The following DHRS7B variants were observed in gnomAD, a reference collection of about 807,000 sequenced individuals.
DHRS7B encodes dehydrogenase/reductase 7B, also known as peroxisomal reductase activating PPAR-gamma.
In DHRS7B, 24 loss-of-function variants were observed where a neutral mutation model predicts 26.4. The observed-to-expected ratio is 0.91, with a 90% confidence interval of 0.66 to 1.28. DHRS7B has a LOEUF of 1.28. DHRS7B is among the 50% of genes most tolerant of loss of function. The pLI is 0.00. For missense variants in DHRS7B, 368 were observed against 419.4 expected (o/e 0.88, Z 1.07); for synonymous variants, 142 against 166.4 (o/e 0.85, Z 1.13).
intron 3 of DHRS7B, among the ~76,000 whole-genome samples, chr17:21,178,685 G>C (rs186133643): frequency 2.9e-3 from 431 of 148,128 alleles, no homozygotes; most frequent in African/African-American, 0.01. Context: ...GGGACACGGA[G>C]TCTCGCTCTG....
intron 1 of DHRS7B, among the ~76,000 whole-genome samples, chr17:21,155,253 C>T (rs1486390664): frequency 1.3e-5 from 2 of 152,058 alleles, no homozygotes; most frequent in Non-Finnish European, 2.9e-5. Flanking sequence ...CAGAAACCAA[C>T]TTTAAGTATA....
intron 1 of DHRS7B, among the ~76,000 whole-genome samples, chr17:21,158,814 G>A (rs183584797): frequency 3.0e-4 from 45 of 152,222 alleles, no homozygotes; most frequent in African/African-American, 1.0e-3. Context: ...ACATTAATCA[G>A]GACAGTGATA....
At chr17:21,173,769 A>G (rs1469082898) in intron 2 of DHRS7B, among the ~76,000 whole-genome samples, 1 of 152,120 alleles carries the variant, frequency 6.6e-6, no homozygotes, top group Non-Finnish European at 1.5e-5. Context: ...CTCAGTTACT[A>G]TATATAGGGT....
chr17:21,184,455 G>A lies in DHRS7B; in HGVS notation c.611G>A (p.Arg204Gln), dbSNP rs766967306. The change falls in exon 5 of 7, where the codon CGA becomes CAA. Residue 204 changes from arginine (R) to glutamine (Q), a missense_variant. Coordinates refer to ENST00000395511, the MANE Select transcript of DHRS7B (RefSeq NM_015510.5). ...SIQGKMSIPF[R>Q]SAYAASKHAT... ...CAGGGCAAGATGAGCATTCCTTTTC[G>A]ATCAGCATGTGAGTACTTCTCTCTC... The A allele has an allele frequency of 5.5e-5, 88 of 1,613,898 alleles. No homozygotes were observed. Among genetic ancestry groups the A allele is most frequent in the Non-Finnish European group, 7.5e-5 (88 of 1,179,986 alleles).
chr17:21,133,230 G>C (rs1275662720), intron 1 of DHRS7B, among the ~76,000 whole-genome samples: 3 of 152,252 alleles, frequency 2.0e-5, no homozygotes, highest in African/African-American at 4.8e-5. Context: ...AGTTAATTCA[G>C]AGAGTTTATT....
At chr17:21,189,685 A>G (rs994303548) in intron 6 of DHRS7B, among the ~76,000 whole-genome samples, 4 of 152,244 alleles carry the variant, frequency 2.6e-5, no homozygotes, top group Admixed American at 6.5e-5. Context: ...TCCCCACAGT[A>G]GACTCTATAC....
At chr17:21,142,100 G>A (rs1353906266) in intron 1 of DHRS7B, among the ~76,000 whole-genome samples, 2 of 152,094 alleles carry the variant, frequency 1.3e-5, no homozygotes, top group African/African-American at 4.8e-5. Context: ...TGGGAGCATC[G>A]GCAGGCTAGT....
chr17:21,189,522 C>T (rs560973411), intron 6 of DHRS7B, among the ~76,000 whole-genome samples: 1 of 152,230 alleles, frequency 6.6e-6, no homozygotes. Context: ...CCAGTGCTGT[C>T]CTGCCATGTC....
intron 1 of DHRS7B, among the ~76,000 whole-genome samples, chr17:21,130,790 C>T (rs749115652): frequency 2.6e-5 from 4 of 152,022 alleles, no homozygotes; most frequent in Non-Finnish European, 5.9e-5. Context: ...TTATTCATTC[C>T]CACCCCATTA....
chr17:21,184,463 T>C lies in DHRS7B; in HGVS notation c.619T>C (p.Tyr207His), dbSNP rs766045185. Residue 207 changes from tyrosine to histidine, a missense_variant and splice_region_variant, in exon 5 of 7, where the codon TAT becomes CAT. By Grantham distance (83) the Tyr-to-His change is moderately conservative. Transcript: ENST00000395511. ...GKMSIPFRSA[Y>H]AASKHATQAF... ...GATGAGCATTCCTTTTCGATCAGCA[T>C]GTGAGTACTTCTCTCTCCCACAAAA... The C allele has an allele frequency of 6.2e-7, 1 of 1,613,064 alleles. No homozygotes were observed. Among genetic ancestry groups the C allele is most frequent in the Non-Finnish European group, 8.5e-7 (1 of 1,179,586 alleles).
intron 1 of DHRS7B, among the ~76,000 whole-genome samples, chr17:21,168,434 T>C (rs113692660): frequency 6.6e-6 from 1 of 152,070 alleles, no homozygotes; most frequent in Non-Finnish European, 1.5e-5. Context: ...AGTGGTGCAA[T>C]CTTGGCTCAC....
intron 5 of DHRS7B, 107 bp downstream of exon 5, chr17:21,184,570 C>T (rs1974588884): frequency 1.7e-6 from 2 of 1,152,026 alleles, no homozygotes; most frequent in Non-Finnish European, 2.5e-6. Context: ...AATAAACTAT[C>T]CAGAATGCAA....
At chr17:21,146,531 C>T (rs1973647746) in intron 1 of DHRS7B, among the ~76,000 whole-genome samples, 1 of 152,184 alleles carries the variant, frequency 6.6e-6, no homozygotes, top group Admixed American at 6.5e-5. Context: ...GTAACTTGTT[C>T]AAAGGCACTC....
chr17:21,188,802 C>G lies in DHRS7B; in HGVS notation c.711C>G (p.Pro237=). 1 of 1,614,168 alleles carries G rather than the reference C, an allele frequency of 6.2e-7. No homozygotes were observed. Among genetic ancestry groups the G allele is most frequent in the South Asian group, 1.1e-5 (1 of 91,062 alleles). The change falls in exon 6 of 7, where the codon CCC becomes CCG. Residue 237 remains proline (P), a synonymous_variant. Transcript: ENST00000395511. ...QYEIEVTVIS[P]GYIHTNLSVN... is the part of the protein sequence containing the mutation. Reference sequence around the variant, plus strand: ...AAATTGAGGTGACCGTCATCAGCCCCGGCTACATCCACACCAACCTCTCTG... The same window carrying G: ...AAATTGAGGTGACCGTCATCAGCCCGGGCTACATCCACACCAACCTCTCTG...
In DHRS7B at chr17:21,172,131, G is replaced by A. The variant is rs1291031877; in HGVS notation, c.134G>A (p.Arg45His). The change falls in exon 2 of 7, where the codon CGC (arginine) becomes CAC (histidine). Residue 45 changes from arginine (R) to histidine (H), a missense_variant. Physicochemically the swap from Arg to His is conservative, Grantham distance 29. Coordinates refer to ENST00000395511, the MANE Select transcript of DHRS7B (RefSeq NM_015510.5). ...CTCTTCCGGCTGCTGCAGTGGGTGC[G>A]CGGGAAGGCCTACCTGCGGAATGCT... ...FGLFRLLQWV[R>H]GKAYLRNAVV... is the part of the protein sequence containing the mutation. 9.3e-6 allele frequency: 15 copies of A among 1,613,944 alleles called. No individual in the cohort carries two copies. Among genetic ancestry groups the A allele is most frequent in the Non-Finnish European group, 1.2e-5 (14 of 1,179,992 alleles).
intron 1 of DHRS7B, among the ~76,000 whole-genome samples, chr17:21,146,438 T>C (rs1012831051): frequency 7.2e-5 from 11 of 152,182 alleles, no homozygotes; most frequent in Admixed American, 6.5e-4. Context: ...AAAACATGCA[T>C]ATACCTATTT....
intron 1 of DHRS7B, among the ~76,000 whole-genome samples, chr17:21,160,026 C>T (rs2144051856): frequency 6.6e-6 from 1 of 152,162 alleles, no homozygotes; most frequent in East Asian, 1.9e-4. Context: ...TCAAGACCAG[C>T]CTGGCCAACA....
chr17:21,148,982 A>C (rs1190714631), intron 1 of DHRS7B, among the ~76,000 whole-genome samples: 1 of 152,138 alleles, frequency 6.6e-6, no homozygotes, highest in Non-Finnish European at 1.5e-5. Context: ...ATCAGAGAAC[A>C]TCAGATTTGA....
intron 1 of DHRS7B, among the ~76,000 whole-genome samples, chr17:21,131,801 AT>A (rs1973235721): frequency 6.6e-6 from 1 of 152,178 alleles, no homozygotes; most frequent in African/African-American, 2.4e-5. Flanking sequence ...AGGAACACTA[AT>A]TTCTGAAGGG....
Sources: allele counts gnomAD v4.1 joint callset (sites outside exome capture counted in the v4.1 genomes callset), GRCh38; gene constraint gnomAD v4.1.1; transcripts MANE v1.5; gene names NCBI Gene and HGNC (gene_info 2026-07-23, HGNC 2026-07-21).